The following KCNH1 variants were observed in gnomAD, a reference collection of about 807,000 sequenced individuals.
KCNH1 encodes voltage-gated delayed rectifier potassium channel KCNH1.
Under a neutral mutation model 69.2 loss-of-function variants are expected in KCNH1, and 27 were observed. That is an observed-to-expected ratio of 0.39 (90% CI 0.29 to 0.54). The LOEUF (loss-of-function observed/expected upper bound fraction) is 0.54, where lower values mean the gene tolerates loss of function less well. Among genes scored for constraint, KCNH1 ranks in the 20% least tolerant of loss-of-function variants. The probability of loss-of-function intolerance (pLI) is 0.68; values close to 1 mark genes in which losing one functional copy is unlikely to be tolerated. For missense variants in KCNH1, 798 were observed against 1,261.6 expected (o/e 0.63, Z 5.57); for synonymous variants, 456 against 487.7 (o/e 0.93, Z 0.86).
intron 6 of KCNH1, among the ~76,000 whole-genome samples, chr1:210,966,503 T>G (rs535129958): frequency 1.3e-5 from 2 of 152,192 alleles, no homozygotes; most frequent in Non-Finnish European, 2.9e-5. Context: ...AGGGCTAATA[T>G]GCAGAATCTA....
intron 10 of KCNH1, among the ~76,000 whole-genome samples, chr1:210,769,163 G>A (rs1478741915): frequency 6.6e-6 from 1 of 152,098 alleles, no homozygotes; most frequent in Non-Finnish European, 1.5e-5. Flanking sequence ...GATGACTCAG[G>A]GGGGAAGTGG....
intron 5 of KCNH1, among the ~76,000 whole-genome samples, chr1:211,036,638 C>T (rs551671869): frequency 8.5e-5 from 13 of 152,258 alleles, no homozygotes; most frequent in Admixed American, 2.6e-4. Flanking sequence ...CTATGTTAGA[C>T]GCTCAATGAG....
intron 7 of KCNH1, among the ~76,000 whole-genome samples, chr1:210,886,237 G>A (rs1686602960): frequency 6.6e-6 from 1 of 152,196 alleles, no homozygotes. Flanking sequence ...CTCTGCTGGT[G>A]ATACCCAGGC....
intron 7 of KCNH1, among the ~76,000 whole-genome samples, chr1:210,909,051 G>C (rs998854335): frequency 2.0e-5 from 3 of 152,224 alleles, no homozygotes; most frequent in Admixed American, 6.5e-5. Context: ...TAGCTGATGA[G>C]AGCTGAAATT....
chr1:210,976,659 T>G (rs1228735267), intron 6 of KCNH1, among the ~76,000 whole-genome samples: 2 of 148,880 alleles, frequency 1.3e-5, no homozygotes, highest in African/African-American at 4.9e-5. Flanking sequence ...CACATGTATG[T>G]TTACTGCGGC....
intron 9 of KCNH1, among the ~76,000 whole-genome samples, chr1:210,784,084 A>G (rs1357801548): frequency 2.6e-5 from 4 of 152,192 alleles, no homozygotes; most frequent in African/African-American, 7.2e-5. Context: ...CTGACTGTGG[A>G]CCAGAAAGCA....
At chr1:211,113,619 G>C (rs1169266671) in intron 1 of KCNH1, among the ~76,000 whole-genome samples, 2 of 152,120 alleles carry the variant, frequency 1.3e-5, no homozygotes, top group Non-Finnish European at 2.9e-5. Context: ...TGACACTCAG[G>C]GGTGAGGAAG....
chr1:210,860,645 G>A, intron 7 of KCNH1: 2 of 785,966 alleles, frequency 2.5e-6, no homozygotes, highest in Middle Eastern at 3.5e-4. Context: ...ATATGAAGAA[G>A]AGCCTGCATT....
intron 7 of KCNH1, among the ~76,000 whole-genome samples, chr1:210,807,673 C>A (rs566357120): frequency 6.6e-6 from 1 of 152,000 alleles, no homozygotes; most frequent in African/African-American, 2.4e-5. Context: ...AATGGAATCA[C>A]ACAGTATGTG....
intron 1 of KCNH1, among the ~76,000 whole-genome samples, chr1:211,126,774 TCA>T (rs1691785097): frequency 1.4e-5 from 2 of 147,852 alleles, no homozygotes; most frequent in Admixed American, 1.3e-4. Flanking sequence ...TGCTAAAAAC[TCA>T]CACCAATGGA....
intron 7 of KCNH1, chr1:210,861,627 A>G (rs1044657939): frequency 1.3e-6 from 1 of 770,950 alleles, no homozygotes; most frequent in South Asian, 1.3e-5. Flanking sequence ...TATAGAGTAT[A>G]TACTGAACAA....
intron 6 of KCNH1, among the ~76,000 whole-genome samples, chr1:210,936,346 T>C (rs1444077799): frequency 1.3e-5 from 2 of 152,210 alleles, no homozygotes; most frequent in Non-Finnish European, 2.9e-5. Flanking sequence ...TCATAGGTTG[T>C]TCTCACCACC....
intron 7 of KCNH1, among the ~76,000 whole-genome samples, chr1:210,897,521 C>A (rs1686896937): frequency 6.6e-6 from 1 of 152,046 alleles, no homozygotes; most frequent in South Asian, 2.1e-4. Flanking sequence ...TGAGGACACC[C>A]CTGCCCTCTG....
chr1:211,079,344 A>C (rs951429371), intron 5 of KCNH1, among the ~76,000 whole-genome samples: 1 of 152,160 alleles, frequency 6.6e-6, no homozygotes, highest in Non-Finnish European at 1.5e-5. Context: ...CAACCAAAAA[A>C]ACTCCACGAC....
At chr1:210,799,188 AT>A (rs1684382612) in intron 8 of KCNH1, among the ~76,000 whole-genome samples, 1 of 152,198 alleles carries the variant, frequency 6.6e-6, no homozygotes, top group Non-Finnish European at 1.5e-5. Flanking sequence ...GCATTTGCTA[AT>A]TTAATCCTCC....
At chr1:210,990,485 G>A (rs1010000942) in intron 6 of KCNH1, among the ~76,000 whole-genome samples, 5 of 152,090 alleles carry the variant, frequency 3.3e-5, no homozygotes, top group Non-Finnish European at 5.9e-5. Context: ...TGATAATCTC[G>A]ACAAGCTACT....
intron 7 of KCNH1, among the ~76,000 whole-genome samples, chr1:210,826,121 A>G (rs1392639453): frequency 6.6e-6 from 1 of 152,174 alleles, no homozygotes; most frequent in Non-Finnish European, 1.5e-5. Context: ...TCACAAAAGT[A>G]TTAGTGTGAG....
chr1:211,113,935 G>GTCTC (rs138982653), intron 1 of KCNH1, among the ~76,000 whole-genome samples: 1 of 139,790 alleles, frequency 7.2e-6, no homozygotes, highest in Non-Finnish European at 1.5e-5. Flanking sequence ...ATTAGATCAA[G>GTCTC]TCTCTCTCTC....
chr1:210,959,398 C>A (rs746962455), intron 6 of KCNH1, among the ~76,000 whole-genome samples: 1 of 152,104 alleles, frequency 6.6e-6, no homozygotes. Flanking sequence ...GGAGGCAGGC[C>A]GTCCGTTCTC....
Sources: allele counts gnomAD v4.1 joint callset (sites outside exome capture counted in the v4.1 genomes callset), GRCh38; gene constraint gnomAD v4.1.1; transcripts MANE v1.5; gene names NCBI Gene and HGNC (gene_info 2026-07-23, HGNC 2026-07-21).